The following CCDC148 variants were observed in gnomAD, a reference collection of about 807,000 sequenced individuals.
CCDC148 encodes the protein coiled-coil domain-containing protein 148.
In CCDC148, 89 loss-of-function variants were observed where a neutral mutation model predicts 85.7. The observed-to-expected ratio is 1.04, with a 90% CI of 0.87 to 1.24. The LOEUF (loss-of-function observed/expected upper bound fraction) is 1.24. Ranked by LOEUF, CCDC148 falls within the 50% of genes most tolerant of loss-of-function variation. CCDC148 has a pLI of 0.00. For synonymous variants in CCDC148, 230 were observed against 213.9 expected (o/e 1.08, Z -0.66); for missense variants, 692 against 671.7 (o/e 1.03, Z -0.33).
At chr2:158,422,387 T>A (rs973384959) in intron 1 of CCDC148, among the ~76,000 whole-genome samples, 5 of 152,274 alleles carry the variant, frequency 3.3e-5, no homozygotes, top group Non-Finnish European at 5.9e-5. Context: ...TTATTCACCA[T>A]GATCAAGTGG....
intron 10 of CCDC148, among the ~76,000 whole-genome samples, chr2:158,221,326 A>G (rs904162511): frequency 6.6e-6 from 1 of 152,200 alleles, no homozygotes; most frequent in Admixed American, 6.5e-5. Flanking sequence ...TGTTATTAGT[A>G]GGCCTGTTTT....
rs79689600 is a variant in CCDC148 at position 158,450,420 on chromosome 2, C to T, written c.25+5995G>A. Among the ~76,000 whole-genome samples, 1,494 of 152,306 alleles carry T rather than the reference C, an allele frequency of 9.8e-3. 6 individuals carry two copies. Among genetic ancestry groups the T allele is most frequent in the South Asian group, 0.012 (57 of 4,828 alleles). On this transcript the variant is annotated intron_variant, in intron 1 of 13. Transcript: ENST00000283233. ...CTTTCCAGCTGGAGATGATGGGTGA[C>T]TTGCCAGGTGCCCTGCATCTGTCTG...
At chr2:158,354,620 T>C (rs1683520944) in intron 2 of CCDC148, among the ~76,000 whole-genome samples, 1 of 152,072 alleles carries the variant, frequency 6.6e-6, no homozygotes, top group Non-Finnish European at 1.5e-5. Flanking sequence ...CAGGACCAGA[T>C]GGATTCACAG....
chr2:158,441,065 A>C (rs569870786), intron 1 of CCDC148, among the ~76,000 whole-genome samples: 38 of 152,272 alleles, frequency 2.5e-4, no homozygotes, highest in Admixed American at 3.9e-4. Context: ...TTAAAAAAAG[A>C]AAAAAGAAAG....
intron 11 of CCDC148, among the ~76,000 whole-genome samples, chr2:158,205,331 A>G (rs1686182036): frequency 6.6e-6 from 1 of 152,098 alleles, no homozygotes; most frequent in Non-Finnish European, 1.5e-5. Flanking sequence ...AGAAAAGGGA[A>G]TGCTGGAGGA....
At chr2:158,427,523 G>T (rs749025583) in intron 1 of CCDC148, among the ~76,000 whole-genome samples, 29 of 152,068 alleles carry the variant, frequency 1.9e-4, no homozygotes, top group Non-Finnish European at 3.5e-4. Context: ...GTGATTTAAA[G>T]GTAGGAAAGG....
intron 10 of CCDC148, among the ~76,000 whole-genome samples, chr2:158,229,441 A>C (rs181565180): frequency 5.9e-5 from 9 of 152,316 alleles, no homozygotes; most frequent in African/African-American, 2.2e-4. Flanking sequence ...AATTGTAGGA[A>C]CTAGTACTAA....
At chr2:158,352,396 T>A (rs1683362650) in intron 2 of CCDC148, among the ~76,000 whole-genome samples, 1 of 152,034 alleles carries the variant, frequency 6.6e-6, no homozygotes, top group African/African-American at 2.4e-5. Flanking sequence ...GTGATGGAGC[T>A]GAAAACCAAG....
chr2:158,230,522 C>A (rs1687804807), intron 10 of CCDC148, among the ~76,000 whole-genome samples: 2 of 152,090 alleles, frequency 1.3e-5, no homozygotes, highest in Admixed American at 1.3e-4. Context: ...GGAGCTGGAG[C>A]AGGTGGCATA....
intron 2 of CCDC148, among the ~76,000 whole-genome samples, chr2:158,352,341 G>T (rs1021038427): frequency 6.6e-6 from 1 of 152,082 alleles, no homozygotes; most frequent in South Asian, 2.1e-4. Flanking sequence ...AAATTTAGAA[G>T]AATGTATAAC....
At chr2:158,400,402 C>A (rs536564281) in intron 1 of CCDC148, among the ~76,000 whole-genome samples, 8 of 152,046 alleles carry the variant, frequency 5.3e-5, no homozygotes, top group African/African-American at 1.9e-4. Context: ...AGAAATAATG[C>A]CACACATCTA....
intron 9 of CCDC148, among the ~76,000 whole-genome samples, chr2:158,281,720 C>A (rs1690313686): frequency 6.6e-6 from 1 of 152,172 alleles, no homozygotes; most frequent in African/African-American, 2.4e-5. Context: ...TGGTACCATT[C>A]CTTCTGAAAC....
chr2:158,246,110 T>C (rs80174195), intron 10 of CCDC148, among the ~76,000 whole-genome samples: 3,160 of 152,264 alleles, frequency 0.021, 36 homozygotes, highest in South Asian at 0.027. Flanking sequence ...TACCTCTTGT[T>C]CAGAAATTGT....
At chr2:158,357,378 A>G (rs1167991716) in intron 2 of CCDC148, among the ~76,000 whole-genome samples, 1 of 152,262 alleles carries the variant, frequency 6.6e-6, no homozygotes, top group South Asian at 2.1e-4. Context: ...GGGCTTGAAC[A>G]ATTAAATATT....
At chr2:158,419,074 T>C (rs892966576) in intron 1 of CCDC148, among the ~76,000 whole-genome samples, 15 of 152,172 alleles carry the variant, frequency 9.9e-5, no homozygotes, top group Admixed American at 3.3e-4. Context: ...AGCTTTGGAC[T>C]GAGTTTTTTC....
chr2:158,309,457 T>C lies in CCDC148; in HGVS notation c.1086A>G (p.Glu362=), dbSNP rs756279501. Residue 362 remains glutamate (E), a synonymous_variant, in exon 9 of 14, where the codon GAA becomes GAG. Coordinates refer to ENST00000283233, the MANE Select transcript of CCDC148 (RefSeq NM_138803.4). ...CCTTGGCTTTCAGATCAGCACACAATTCCTGTTGCTTTTTCTTGTCCTTAG... is the reference window on the plus strand; with the variant it reads ...CCTTGGCTTTCAGATCAGCACACAACTCCTGTTGCTTTTTCTTGTCCTTAG... The part of the protein sequence containing the change: ...MLAKDKKKQQ[E]LCADLKAKVR... 10 of 1,614,018 alleles carry C rather than the reference T, an allele frequency of 6.2e-6. 1 individual carries two copies. In the African/African-American group the frequency reaches 9.3e-5, roughly 15 times the overall value.
At chr2:158,197,330 T>C (rs1386834832) in intron 11 of CCDC148, among the ~76,000 whole-genome samples, 3 of 152,122 alleles carry the variant, frequency 2.0e-5, no homozygotes, top group Non-Finnish European at 2.9e-5. Context: ...GAGAGTCTAA[T>C]TACGAAAAAG....
chr2:158,206,335 C>G (rs1322128839), intron 11 of CCDC148, among the ~76,000 whole-genome samples: 1 of 152,120 alleles, frequency 6.6e-6, no homozygotes, highest in African/African-American at 2.4e-5. Flanking sequence ...ACAGGCAGCT[C>G]CCACTCAGCA....
chr2:158,241,388 A>G (rs1688344444), intron 10 of CCDC148, among the ~76,000 whole-genome samples: 1 of 152,120 alleles, frequency 6.6e-6, no homozygotes. Flanking sequence ...ATCCTTCTGT[A>G]TTATTAATAA....
Sources: gnomAD v4.1 joint callset for allele counts (sites outside exome capture counted in the v4.1 genomes callset) on GRCh38, gnomAD v4.1.1 for gene constraint, MANE v1.5 for transcripts, NCBI Gene and HGNC (gene_info 2026-07-23, HGNC 2026-07-21) for gene names.